Variants in KIAA1958 observed in about 807,000 individuals in gnomAD.
KIAA1958 encodes uncharacterized protein KIAA1958.
Under a neutral mutation model 47.2 loss-of-function variants are expected in KIAA1958, and 14 were observed. That is an observed-to-expected ratio of 0.30 (90% CI 0.20 to 0.46). KIAA1958 has a LOEUF of 0.46. Among genes scored for constraint, KIAA1958 ranks in the 20% least tolerant of loss-of-function variants. The probability of loss-of-function intolerance (pLI) is 1.00; values close to 1 mark genes in which losing one functional copy is unlikely to be tolerated. For missense variants in KIAA1958, 803 were observed against 909.2 expected (o/e 0.88, Z 1.50); for synonymous variants, 354 against 353.3 (o/e 1.00, Z -0.02).
chr9:112,615,818 A>G (rs1009531483), intron 2 of KIAA1958, among the ~76,000 whole-genome samples: 3 of 152,228 alleles, frequency 2.0e-5, no homozygotes, highest in African/African-American at 7.2e-5. Context: ...CAAAATTTAT[A>G]AGTCAATACA....
At chr9:112,564,679 C>A (rs1835397652) in intron 1 of KIAA1958, among the ~76,000 whole-genome samples, 1 of 152,036 alleles carries the variant, frequency 6.6e-6, no homozygotes, top group African/African-American at 2.4e-5. Flanking sequence ...TGTATGTAAA[C>A]ATAAAATTTA....
chr9:112,575,025 C>T lies in KIAA1958; in HGVS notation c.945C>T (p.Ser315=). 1.2e-6 allele frequency: 2 copies of T among 1,614,116 alleles called. No individual in the cohort carries two copies. Among genetic ancestry groups the T allele is most frequent in the Non-Finnish European group, 1.7e-6 (2 of 1,180,016 alleles). ...QVAMQMPVST[S]HPNKQISIPL... The stretch of plus-strand genomic sequence containing the variant: ...CCATGCAAATGCCTGTGAGCACATC[C>T]CATCCTAACAAACAGATCAGTATCC... Residue 315 remains serine, a synonymous_variant, in exon 2 of 4, where the codon TCC becomes TCT. Transcript: ENST00000337530.
Position 112,660,096 on chromosome 9 carries a change from C to T in KIAA1958, c.*27C>T. On this transcript the variant is annotated 3_prime_UTR_variant, in exon 4 of 4. Coordinates refer to ENST00000337530, the MANE Select transcript of KIAA1958 (RefSeq NM_133465.4). ...CCCCCACTGGGGCCCGGCCACTGCCCTGTCACCTGCTCGGGCCAGCCAGGG... is the reference window on the plus strand; with the variant it reads ...CCCCCACTGGGGCCCGGCCACTGCCTTGTCACCTGCTCGGGCCAGCCAGGG... 1 of 1,595,756 alleles carries T rather than the reference C, an allele frequency of 6.3e-7. No individual in the cohort carries two copies. The highest frequency in any genetic ancestry group is 1.3e-5 in the African/African-American group (1 of 74,772).
At chr9:112,519,397 G>A (rs1424296750) in intron 1 of KIAA1958, among the ~76,000 whole-genome samples, 2 of 152,178 alleles carry the variant, frequency 1.3e-5, no homozygotes, top group African/African-American at 2.4e-5. Context: ...TTCAGGGTCC[G>A]ATTGGAAGTT....
At chr9:112,609,441 GTA>G (rs1049534951) in intron 2 of KIAA1958, among the ~76,000 whole-genome samples, 1 of 152,174 alleles carries the variant, frequency 6.6e-6, no homozygotes, top group Non-Finnish European at 1.5e-5. Context: ...GGAATTTACT[GTA>G]AAAAATTTTA....
intron 2 of KIAA1958, among the ~76,000 whole-genome samples, chr9:112,580,940 T>A (rs1217290612): frequency 6.6e-6 from 1 of 152,228 alleles, no homozygotes; most frequent in Admixed American, 6.5e-5. Flanking sequence ...ATTTTTGCCA[T>A]CATTTTCTTC....
At chr9:112,558,036 C>T (rs1467347735) in intron 1 of KIAA1958, among the ~76,000 whole-genome samples, 1 of 152,002 alleles carries the variant, frequency 6.6e-6, no homozygotes, top group African/African-American at 2.4e-5. Flanking sequence ...ACCATCCTGG[C>T]CAACATGGTG....
At chr9:112,578,258 A>T (rs1030155347) in intron 2 of KIAA1958, among the ~76,000 whole-genome samples, 1 of 152,176 alleles carries the variant, frequency 6.6e-6, no homozygotes, top group Admixed American at 6.5e-5. Flanking sequence ...ATGTTTATTT[A>T]TAGTAGATAA....
At chr9:112,559,279 AG>A (rs1487325109) in intron 1 of KIAA1958, among the ~76,000 whole-genome samples, 17 of 152,344 alleles carry the variant, frequency 1.1e-4, no homozygotes, top group Non-Finnish European at 1.9e-4. Context: ...ACAGGGGTGA[AG>A]GAGAGCCTCA....
At chr9:112,610,227 C>G (rs1390251950) in intron 2 of KIAA1958, among the ~76,000 whole-genome samples, 2 of 151,372 alleles carry the variant, frequency 1.3e-5, no homozygotes, top group East Asian at 3.9e-4. Context: ...GCAGATAACC[C>G]AGTACTCAGA....
rs1834296183 is a variant in KIAA1958 at position 112,509,988 on chromosome 9, G to A, written c.-25+22870G>A. ...GCATCTGGATTCTCTGAGCATAAGT[G>A]GTTCATTACCTTTGTGGGCAGCTTA... On this transcript the variant is annotated intron_variant, in intron 1 of 3. Transcript: ENST00000337530. Among the ~76,000 whole-genome samples the A allele has an allele frequency of 2.6e-5, 4 of 152,150 alleles. No homozygotes were observed. In the South Asian group the frequency reaches 8.3e-4, roughly 32 times the overall value.
At chr9:112,589,200 A>G (rs531004642) in intron 2 of KIAA1958, among the ~76,000 whole-genome samples, 1 of 152,336 alleles carries the variant, frequency 6.6e-6, no homozygotes, top group Non-Finnish European at 1.5e-5. Context: ...ATCTTCTGTT[A>G]TTGAGTGATC....
In KIAA1958 at chr9:112,574,674, C is replaced by T. The variant is rs1289859676; in HGVS notation, c.594C>T (p.Val198=). Residue 198 remains valine (V), a synonymous_variant, in exon 2 of 4, where the codon GTC becomes GTT. Transcript: ENST00000337530. ...TGGTTGACGAATGCAGCAATGATGT[C>T]ATCATCAAGAAAATCAAACAAGAAA... ...TQMVDECSND[V]IIKKIKQEIP... is the part of the protein sequence containing the mutation. 1.2e-6 allele frequency: 2 copies of T among 1,614,110 alleles called. No individual in the cohort carries two copies. The highest frequency in any genetic ancestry group is 2.2e-5 in the South Asian group (2 of 91,070).
Position 112,618,949 on chromosome 9 carries a change from A to G in KIAA1958, c.1172-26701A>G, listed in dbSNP as rs1409627050. On this transcript the variant is annotated intron_variant, in intron 2 of 3. Coordinates refer to ENST00000337530, the MANE Select transcript of KIAA1958 (RefSeq NM_133465.4). This position sits in a 1 kb window ranked among gnomAD's most constrained non-coding sequence, Gnocchi z 7.1. ...GCTTGAGCAAGACTCCAGTTTGGTT[A>G]CTGTGTCCGGAGAAACTGTGATTAT... 2 of 1,496,226 alleles carry G rather than the reference A, an allele frequency of 1.3e-6. No individual in the cohort carries two copies. Among genetic ancestry groups the G allele is most frequent in the Admixed American group, 4.2e-5 (2 of 47,092 alleles). The allele number at this position is 1,496,226 out of a possible 1,614,324, so 92.7% of individuals were successfully genotyped here.
At chr9:112,500,109 T>C (rs931771876) in intron 1 of KIAA1958, among the ~76,000 whole-genome samples, 2 of 152,070 alleles carry the variant, frequency 1.3e-5, no homozygotes, top group African/African-American at 2.4e-5. Context: ...ATTATTATTA[T>C]TATTATTTTT....
In KIAA1958 at chr9:112,575,228, A is replaced by G. The variant is rs1835625676; in HGVS notation, c.1148A>G (p.Glu383Gly). The change falls in exon 2 of 4, where the codon GAG (glutamate) becomes GGG (glycine). Residue 383 changes from glutamate (E) to glycine (G), a missense_variant. Transcript: ENST00000337530. The stretch of plus-strand genomic sequence containing the variant: ...CCAGTCGCTCCAGCCATAACCACTG[A>G]GGCCACAGCACAGTGCATACCAGGT... ...QPPVAPAITTEATAQCIPAYS... is the reference protein window; with the variant it reads ...QPPVAPAITTGATAQCIPAYS... 6.4e-7 allele frequency: 1 copy of G among 1,567,188 alleles called. No individual in the cohort carries two copies. Among genetic ancestry groups the G allele is most frequent in the Non-Finnish European group, 8.6e-7 (1 of 1,163,880 alleles).
rs1191505187 is a variant in KIAA1958 at position 112,487,070 on chromosome 9, C to A, written c.-73C>A. ...CCCGGGCTGCCCGGCTCTCGCAGGC[C>A]CCCCCGCGCCGACCGCGTTCCTATG... On this transcript the variant is annotated 5_prime_UTR_variant, in exon 1 of 4. Transcript: ENST00000337530. The A allele has an allele frequency of 1.3e-5, 3 of 223,682 alleles. No homozygotes were observed. Among genetic ancestry groups the A allele is most frequent in the South Asian group, 4.8e-5 (1 of 20,748 alleles). The allele number at this position is 223,682 out of a possible 1,614,324, so 13.9% of individuals were successfully genotyped here. A position where few individuals can be genotyped will look rare whatever the true frequency, so the allele number is the denominator to read the frequency against.
chr9:112,639,618 A>G (rs552989695), intron 2 of KIAA1958, among the ~76,000 whole-genome samples: 2 of 152,122 alleles, frequency 1.3e-5, no homozygotes, highest in Non-Finnish European at 2.9e-5. Flanking sequence ...ACCACATACC[A>G]GGCTGCTCCT....
At chr9:112,542,754 AAG>A (rs1834963849) in intron 1 of KIAA1958, among the ~76,000 whole-genome samples, 1 of 152,172 alleles carries the variant, frequency 6.6e-6, no homozygotes, top group Non-Finnish European at 1.5e-5. Flanking sequence ...CCAAGACAAA[AAG>A]AGGGGGATAT....
Sources: gnomAD v4.1 joint callset for allele counts (sites outside exome capture counted in the v4.1 genomes callset) on GRCh38, gnomAD v4.1.1 for gene constraint, Gnocchi (gnomAD v3.1) non-coding constraint, MANE v1.5 for transcripts, NCBI Gene and HGNC (gene_info 2026-07-23, HGNC 2026-07-21) for gene names.